Variants in RPS6KC1 observed in about 807,000 individuals in gnomAD.
The protein encoded by RPS6KC1 is inactive ribosomal protein S6 kinase delta-1.
A neutral mutation model predicts 103.8 loss-of-function variants in RPS6KC1; 54 were observed. The ratio of observed to expected loss-of-function variants is 0.52; its 90% CI spans 0.42 to 0.65. The LOEUF is 0.65. RPS6KC1 is among the 30% of genes least tolerant of loss of function. The pLI, the probability that RPS6KC1 is intolerant of heterozygous loss-of-function variation, is 0.00. For synonymous variants in RPS6KC1, 439 were observed against 438.7 expected (o/e 1.00, Z -0.01); for missense variants, 1,151 against 1,253.8 (o/e 0.92, Z 1.24).
At chr1:213,835,714 A>G in the RPS6KC1 span, 2 of 152,142 alleles carry the variant, frequency 1.3e-5, no homozygotes, top group Non-Finnish European at 2.9e-5. Context: ...TTTCACATAG[A>G]TATTCTCCCA....
the RPS6KC1 span, among the ~76,000 whole-genome samples, chr1:213,564,232 T>C: frequency 1.3e-5 from 2 of 152,232 alleles, no homozygotes; most frequent in Non-Finnish European, 2.9e-5. Flanking sequence ...AAATTCTGGG[T>C]ACACAGGCAT....
chr1:213,586,978 C>T, the RPS6KC1 span, among the ~76,000 whole-genome samples: 17,319 of 152,210 alleles, frequency 0.11, 1,608 homozygotes, highest in African/African-American at 0.25. Flanking sequence ...ATCCCCCACG[C>T]AAGTCACCTT....
chr1:213,457,622 G>A, the RPS6KC1 span, among the ~76,000 whole-genome samples: 1 of 152,182 alleles, frequency 6.6e-6, no homozygotes, highest in South Asian at 2.1e-4. Context: ...TATGGTTCAA[G>A]TTAAGTAGAA....
the RPS6KC1 span, among the ~76,000 whole-genome samples, chr1:213,472,540 A>G: frequency 6.6e-6 from 1 of 152,172 alleles, no homozygotes; most frequent in African/African-American, 2.4e-5. Context: ...ATGTTTGTCA[A>G]TGGGTGTCCT....
At chr1:213,318,614 A>G in the RPS6KC1 span, among the ~76,000 whole-genome samples, 1 of 152,244 alleles carries the variant, frequency 6.6e-6, no homozygotes, top group Non-Finnish European at 1.5e-5. Context: ...TAATGGACTT[A>G]TAGTTCCTTA....
chr1:213,409,795 A>G, the RPS6KC1 span, among the ~76,000 whole-genome samples: 1 of 152,236 alleles, frequency 6.6e-6, no homozygotes, highest in Non-Finnish European at 1.5e-5. Flanking sequence ...GAATTTATAT[A>G]GGGTCCTACC....
the RPS6KC1 span, among the ~76,000 whole-genome samples, chr1:213,738,666 C>G: frequency 4.0e-5 from 6 of 151,600 alleles, no homozygotes; most frequent in African/African-American, 7.3e-5. Flanking sequence ...ACAGAAATAA[C>G]CATAAGAAAA....
chr1:213,417,450 T>C, the RPS6KC1 span, among the ~76,000 whole-genome samples: 1 of 152,142 alleles, frequency 6.6e-6, no homozygotes, highest in Non-Finnish European at 1.5e-5. Flanking sequence ...TAAAAATCTT[T>C]GCATCGAGCT....
At chr1:213,259,292 GC>G (rs1313976327) in intron 12 of RPS6KC1, among the ~76,000 whole-genome samples, 3 of 152,208 alleles carry the variant, frequency 2.0e-5, no homozygotes, top group Non-Finnish European at 4.4e-5. Context: ...GGGTGCGGTG[GC>G]TCATGCCTGT....
At chr1:213,821,180 G>T in the RPS6KC1 span, 1 of 152,576 alleles carries the variant, frequency 6.6e-6, no homozygotes, top group Admixed American at 6.5e-5. Context: ...ACCTTGATTT[G>T]TCTCTGTCAC....
At chr1:213,843,238 G>A in the RPS6KC1 span, among the ~76,000 whole-genome samples, 609 of 152,310 alleles carry the variant, frequency 4.0e-3, 3 homozygotes, top group Non-Finnish European at 5.6e-3. Context: ...TGATTTAAAT[G>A]TTAATCACAT....
At chr1:213,268,570 T>C (rs2094965464) in intron 14 of RPS6KC1, among the ~76,000 whole-genome samples, 1 of 147,910 alleles carries the variant, frequency 6.8e-6, no homozygotes, top group Admixed American at 6.8e-5. Context: ...TTTATATATT[T>C]ATATATTGTA....
At chr1:213,387,631 G>C in the RPS6KC1 span, among the ~76,000 whole-genome samples, 2 of 152,160 alleles carry the variant, frequency 1.3e-5, no homozygotes, top group Non-Finnish European at 2.9e-5. Context: ...CTTTTTAAAG[G>C]AACCTTCAAA....
chr1:213,813,980 G>T, the RPS6KC1 span, among the ~76,000 whole-genome samples: 4 of 152,236 alleles, frequency 2.6e-5, no homozygotes, highest in South Asian at 2.1e-4. Context: ...GGACTAGAGA[G>T]ACCTGAGATG....
the RPS6KC1 span, among the ~76,000 whole-genome samples, chr1:213,589,977 G>C: frequency 6.6e-6 from 1 of 150,530 alleles, no homozygotes; most frequent in Non-Finnish European, 1.5e-5. Flanking sequence ...GTGTGTGTGT[G>C]TGTGTCTGGA....
At chr1:213,112,497 T>C (rs1387249132) in intron 4 of RPS6KC1, among the ~76,000 whole-genome samples, 1 of 151,824 alleles carries the variant, frequency 6.6e-6, no homozygotes, top group African/African-American at 2.4e-5. Context: ...TAAAAGTACC[T>C]TAATTTTTTT....
the RPS6KC1 span, among the ~76,000 whole-genome samples, chr1:213,808,908 A>G: frequency 2.5e-4 from 38 of 152,316 alleles, no homozygotes; most frequent in Middle Eastern, 3.4e-3. Flanking sequence ...AGCTGTTCCT[A>G]TTCGGCCATC....
chr1:213,462,574 A>AT, the RPS6KC1 span, among the ~76,000 whole-genome samples: 1 of 152,252 alleles, frequency 6.6e-6, no homozygotes, highest in East Asian at 1.9e-4. Flanking sequence ...CTATGCAGCC[A>AT]TAAAAAAGGA....
At chr1:213,176,173 A>G (rs1198226630) in intron 7 of RPS6KC1, among the ~76,000 whole-genome samples, 1 of 152,092 alleles carries the variant, frequency 6.6e-6, no homozygotes, top group South Asian at 2.1e-4. Context: ...TTTCAATGTT[A>G]TGATTTATTT....
Sources: gnomAD v4.1 joint callset for allele counts (sites outside exome capture counted in the v4.1 genomes callset) on GRCh38, gnomAD v4.1.1 for gene constraint, MANE v1.5 for transcripts, NCBI Gene and HGNC (gene_info 2026-07-23, HGNC 2026-07-21) for gene names.